The following DCUN1D1 variants were observed in gnomAD, a reference collection of about 807,000 sequenced individuals.
DCUN1D1 encodes the protein defective in cullin neddylation 1 domain containing 1, also known as DCN1-like protein 1.
In DCUN1D1, 3 loss-of-function variants were observed where a neutral mutation model predicts 39.0. The ratio of observed to expected loss-of-function variants is 0.08; its 90% CI spans 0.04 to 0.20. DCUN1D1 has a LOEUF of 0.20. Ranked by LOEUF, DCUN1D1 falls within the 10% of genes least tolerant of loss-of-function variation. The pLI is 1.00. For missense variants in DCUN1D1, 158 were observed against 302.4 expected (o/e 0.52, Z 3.54); for synonymous variants, 82 against 96.3 (o/e 0.85, Z 0.87).
chr3:182,965,372 G>T (rs1019858453), intron 2 of DCUN1D1, among the ~76,000 whole-genome samples, 165 bp downstream of exon 2: 1 of 152,128 alleles, frequency 6.6e-6, no homozygotes, highest in Non-Finnish European at 1.5e-5. Flanking sequence ...TTAGTGAAAA[G>T]AAAATAATTT....
chr3:182,948,178 T>G (rs549336019), intron 4 of DCUN1D1, among the ~76,000 whole-genome samples: 2 of 152,244 alleles, frequency 1.3e-5, no homozygotes, highest in South Asian at 2.1e-4. Flanking sequence ...CACCTACAGG[T>G]TGGAAGGTGA....
intron 1 of DCUN1D1, among the ~76,000 whole-genome samples, chr3:182,979,220 G>T (rs933017806): frequency 3.3e-5 from 5 of 152,132 alleles, no homozygotes; most frequent in Non-Finnish European, 5.9e-5. Flanking sequence ...ACTTGCCACA[G>T]AACATAAGTG....
intron 1 of DCUN1D1, among the ~76,000 whole-genome samples, chr3:182,967,263 C>T (rs922621068): frequency 1.1e-4 from 17 of 151,604 alleles, no homozygotes; most frequent in Admixed American, 2.0e-4. Flanking sequence ...ATCAGAGAAC[C>T]TTAACCAGAA....
At chr3:182,966,331 T>C (rs1021643759) in intron 1 of DCUN1D1, among the ~76,000 whole-genome samples, 4 of 152,176 alleles carry the variant, frequency 2.6e-5, no homozygotes, top group African/African-American at 7.2e-5. Flanking sequence ...AGCAATAAAA[T>C]AGGAGTATTC....
intron 1 of DCUN1D1, among the ~76,000 whole-genome samples, chr3:182,967,095 G>A (rs1470840897): frequency 2.0e-5 from 3 of 150,214 alleles, no homozygotes; most frequent in Non-Finnish European, 4.4e-5. Context: ...GGACAAGAGC[G>A]AGGCTTCACC....
At chr3:182,978,997 A>G (rs1428272008) in intron 1 of DCUN1D1, among the ~76,000 whole-genome samples, 1 of 152,174 alleles carries the variant, frequency 6.6e-6, no homozygotes, top group African/African-American at 2.4e-5. Context: ...AGTGTTTCCC[A>G]GGGAATTAAC....
At chr3:182,946,556 CAAAA>C (rs71185614) in intron 6 of DCUN1D1, among the ~76,000 whole-genome samples, 360 of 61,556 alleles carry the variant, frequency 5.8e-3, no homozygotes, top group Non-Finnish European at 7.8e-3. Context: ...GACTCCATCT[CAAAA>C]AAAAAAAAAA....
intron 1 of DCUN1D1, among the ~76,000 whole-genome samples, chr3:182,969,443 G>GA (rs982304164): frequency 6.6e-6 from 1 of 152,158 alleles, no homozygotes; most frequent in Admixed American, 6.5e-5. Flanking sequence ...TGAGGTGGAA[G>GA]AAAAAACAGA....
upstream of DCUN1D1, among the ~76,000 whole-genome samples, chr3:182,984,858 G>A (rs1026143516): frequency 2.6e-5 from 4 of 152,080 alleles, no homozygotes; most frequent in African/African-American, 7.2e-5. Context: ...TAACATTTCT[G>A]GTAGTTCATC....
chr3:182,985,210 G>A (rs1453989141), upstream of DCUN1D1, among the ~76,000 whole-genome samples: 1 of 152,164 alleles, frequency 6.6e-6, no homozygotes, highest in Non-Finnish European at 1.5e-5. Flanking sequence ...GAAAGCCACG[G>A]TTCCAAAGCT....
At chr3:182,962,100 T>C (rs1370900060) in intron 3 of DCUN1D1, among the ~76,000 whole-genome samples, 1 of 152,216 alleles carries the variant, frequency 6.6e-6, no homozygotes, top group Non-Finnish European at 1.5e-5. Flanking sequence ...AGTTTGTAAA[T>C]TAAAATTTTG....
upstream of DCUN1D1, among the ~76,000 whole-genome samples, chr3:182,981,706 T>C (rs1362167396): frequency 1.3e-5 from 2 of 152,216 alleles, no homozygotes; most frequent in Non-Finnish European, 2.9e-5. Context: ...AGATCAACCC[T>C]ATAACTAATG....
At chr3:182,960,432 C>G (rs1028395144) in intron 4 of DCUN1D1, among the ~76,000 whole-genome samples, 1 of 152,182 alleles carries the variant, frequency 6.6e-6, no homozygotes, top group Admixed American at 6.5e-5. Context: ...AAGCTTATTG[C>G]TGAAATTTTA....
At chr3:182,966,930 A>T (rs1727697148) in intron 1 of DCUN1D1, among the ~76,000 whole-genome samples, 1 of 152,108 alleles carries the variant, frequency 6.6e-6, no homozygotes, top group Admixed American at 6.5e-5. Context: ...AACATGGTGA[A>T]ACCCCGTCTC....
chr3:182,980,343 G>T, intron 1 of DCUN1D1, 144 bp downstream of exon 1: 1 of 528,414 alleles, frequency 1.9e-6, no homozygotes, highest in Non-Finnish European at 2.4e-6. Flanking sequence ...AGGCAGGAGA[G>T]CCCCCGCCTG....
At chr3:182,954,955 A>C (rs1213539143) in intron 4 of DCUN1D1, among the ~76,000 whole-genome samples, 1 of 152,130 alleles carries the variant, frequency 6.6e-6, no homozygotes, top group Non-Finnish European at 1.5e-5. Flanking sequence ...TACTTTTCTA[A>C]AGGTTTTTCT....
At chr3:182,984,723 G>C (rs571633305), upstream of DCUN1D1, among the ~76,000 whole-genome samples, 24 of 152,200 alleles carry the variant, frequency 1.6e-4, no homozygotes, top group Admixed American at 8.5e-4. Flanking sequence ...TTCATATTAA[G>C]ACATAATATT....
chr3:182,961,717 T>C (rs757616303), intron 3 of DCUN1D1, among the ~76,000 whole-genome samples: 1 of 152,204 alleles, frequency 6.6e-6, no homozygotes, highest in Non-Finnish European at 1.5e-5. Context: ...TAGACACTAC[T>C]GACACAGTAA....
At chr3:182,965,803 C>T (rs772160356) in intron 1 of DCUN1D1, 50 bp from the exon 2 acceptor site, 1 of 1,203,688 alleles carries the variant, frequency 8.3e-7, no homozygotes, top group Admixed American at 1.9e-5. Flanking sequence ...TCACATAAGA[C>T]TAAATATTTC....
Sources: gnomAD v4.1 joint callset for allele counts (sites outside exome capture counted in the v4.1 genomes callset) on GRCh38, gnomAD v4.1.1 for gene constraint, MANE v1.5 for transcripts, NCBI Gene and HGNC (gene_info 2026-07-23, HGNC 2026-07-21) for gene names.